RAPGEF1: variants seen among roughly 807,000 people sequenced by gnomAD.
The protein encoded by RAPGEF1 is CRK SH3-binding GNRP.
RAPGEF1 carries 33 observed loss-of-function variants against 143.3 expected under a neutral mutation model. The ratio of observed to expected loss-of-function variants is 0.23; its 90% CI spans 0.17 to 0.31. RAPGEF1 has a LOEUF of 0.31. RAPGEF1 is among the 10% of genes least tolerant of loss of function. The pLI is 1.00. For missense variants in RAPGEF1, 1,199 were observed against 1,645.4 expected (o/e 0.73, Z 4.69); for synonymous variants, 629 against 676.5 (o/e 0.93, Z 1.09).
chr9:131,714,129 G>A (rs775119442), intron 1 of RAPGEF1, among the ~76,000 whole-genome samples: 29 of 151,936 alleles, frequency 1.9e-4, no homozygotes, highest in Non-Finnish European at 3.2e-4. Context: ...TGATCCTCCT[G>A]CCTCAGCCTC....
chr9:131,705,198 A>G (rs1242723015), intron 1 of RAPGEF1, among the ~76,000 whole-genome samples: 1 of 152,184 alleles, frequency 6.6e-6, no homozygotes, highest in Non-Finnish European at 1.5e-5. Context: ...AGGAACCACC[A>G]TGCCCTGCAT....
At chr9:131,707,565 C>T (rs531853730) in intron 1 of RAPGEF1, among the ~76,000 whole-genome samples, 20 of 152,252 alleles carry the variant, frequency 1.3e-4, no homozygotes, top group African/African-American at 4.3e-4. Context: ...CTCAGCCTCC[C>T]GAGTAGCTGG....
intron 1 of RAPGEF1, among the ~76,000 whole-genome samples, chr9:131,722,481 G>C (rs929125717): frequency 6.6e-6 from 1 of 152,244 alleles, no homozygotes; most frequent in Non-Finnish European, 1.5e-5. Flanking sequence ...TGCAGAGCTT[G>C]AGAGTCTTTA....
At chr9:131,723,250 AAT>A (rs1275716796) in intron 1 of RAPGEF1, among the ~76,000 whole-genome samples, 1 of 152,212 alleles carries the variant, frequency 6.6e-6, no homozygotes, top group East Asian at 1.9e-4. Context: ...TAAATTATGT[AAT>A]TATATAAACA....
chr9:131,638,771 T>C lies in RAPGEF1; in HGVS notation c.515A>G (p.Tyr172Cys), dbSNP rs1416030588. 6.2e-7 allele frequency: 1 copy of C among 1,613,766 alleles called. No homozygotes were observed. Among genetic ancestry groups the C allele is most frequent in the Non-Finnish European group, 8.5e-7 (1 of 1,179,846 alleles). The change falls in exon 5 of 27, where the codon TAT (tyrosine) becomes TGT (cysteine). Residue 172 changes from tyrosine to cysteine, a missense_variant. Physicochemically the swap from Tyr to Cys is radical, Grantham distance 194. Coordinates refer to ENST00000683357, the MANE Select transcript of RAPGEF1 (RefSeq NM_001377935.1). ...GGCGAGGCTTTGGTACACTCGGCTA[T>C]AGCAGGAAGAGAGGGCTGAGCTACA... is the stretch of plus-strand genomic sequence containing the variant. ...IQHSSALSSC[Y>C]SRVYQSLANL...
At chr9:131,634,084 A>C (rs949224898) in intron 5 of RAPGEF1, among the ~76,000 whole-genome samples, 3 of 152,266 alleles carry the variant, frequency 2.0e-5, no homozygotes, top group South Asian at 2.1e-4. Flanking sequence ...CAACATGGTA[A>C]AAATCTGCCT....
chr9:131,618,048 G>A (rs1000945752), intron 12 of RAPGEF1, among the ~76,000 whole-genome samples: 28 of 152,172 alleles, frequency 1.8e-4, no homozygotes, highest in African/African-American at 5.8e-4. Context: ...CCCATGCCCC[G>A]TGCAACATGA....
chr9:131,735,514 C>T (rs1837356735), intron 1 of RAPGEF1, among the ~76,000 whole-genome samples: 1 of 152,204 alleles, frequency 6.6e-6, no homozygotes, highest in Non-Finnish European at 1.5e-5. Flanking sequence ...CTGAGTTCAC[C>T]ACTGAGTCCC....
chr9:131,729,674 C>T (rs551315674), intron 1 of RAPGEF1, among the ~76,000 whole-genome samples: 2 of 152,338 alleles, frequency 1.3e-5, no homozygotes, highest in South Asian at 4.1e-4. Flanking sequence ...CAATACACAA[C>T]CCACCCCTGG....
chr9:131,600,630 G>A (rs1044061348), intron 15 of RAPGEF1, among the ~76,000 whole-genome samples: 2 of 152,152 alleles, frequency 1.3e-5, no homozygotes, highest in Admixed American at 1.3e-4. Flanking sequence ...ATAATGACAA[G>A]TGGGCACTCC....
At chr9:131,630,154 C>G (rs1050614633) in intron 6 of RAPGEF1, 82 bp downstream of exon 6, 5 of 1,255,546 alleles carry the variant, frequency 4.0e-6, no homozygotes, top group African/African-American at 1.5e-5. Flanking sequence ...ATGCTGCCCA[C>G]CCCACCGGGC....
At chr9:131,729,404 C>G (rs1836878072) in intron 1 of RAPGEF1, among the ~76,000 whole-genome samples, 2 of 152,216 alleles carry the variant, frequency 1.3e-5, no homozygotes, top group African/African-American at 4.8e-5. Flanking sequence ...ACCGTTGTGC[C>G]ATCTGTGAAA....
intron 16 of RAPGEF1, 57 bp downstream of exon 16, chr9:131,598,142 C>G: frequency 6.9e-7 from 1 of 1,446,100 alleles, no homozygotes; most frequent in Non-Finnish European, 9.7e-7. Flanking sequence ...CTTCTCTGCC[C>G]CACCTGCTCT....
Position 131,625,985 on chromosome 9 carries a change from C to G in RAPGEF1, c.1639G>C (p.Ala547Pro). 1 of 1,607,704 alleles carries G rather than the reference C, an allele frequency of 6.2e-7. No homozygotes were observed. Among genetic ancestry groups the G allele is most frequent in the Non-Finnish European group, 8.5e-7 (1 of 1,174,588 alleles). Reference protein sequence around the residue: ...APVEFVGDFTAPESTGDPEKP... With the variant: ...APVEFVGDFTPPESTGDPEKP... The stretch of plus-strand genomic sequence containing the variant: ...TCTGGGTCACCGGTTGACTCAGGAG[C>G]AGTAAAATCACCCACAAATTCGACA... The change falls in exon 10 of 27, where the codon GCT becomes CCT. Residue 547 changes from alanine to proline, a missense_variant. This residue lies in a region of RAPGEF1 where 613 missense variants were observed against 710.9 expected (regional missense o/e 0.86). Coordinates refer to ENST00000683357, the MANE Select transcript of RAPGEF1 (RefSeq NM_001377935.1).
intron 12 of RAPGEF1, among the ~76,000 whole-genome samples, chr9:131,606,637 A>T (rs2132547928): frequency 6.6e-6 from 1 of 152,276 alleles, no homozygotes; most frequent in South Asian, 2.1e-4. Flanking sequence ...AAAGCCACTC[A>T]TCCTTAAGTA....
At chr9:131,712,833 A>C (rs564829771) in intron 1 of RAPGEF1, among the ~76,000 whole-genome samples, 1 of 152,298 alleles carries the variant, frequency 6.6e-6, no homozygotes, top group East Asian at 1.9e-4. Flanking sequence ...GGCTCCCCCA[A>C]AATAACTCCA....
intron 1 of RAPGEF1, among the ~76,000 whole-genome samples, chr9:131,699,504 A>G (rs1295764998): frequency 6.6e-6 from 1 of 152,100 alleles, no homozygotes; most frequent in Non-Finnish European, 1.5e-5. Flanking sequence ...TCGGCCTCCC[A>G]AAGTGCTGGG....
chr9:131,695,340 C>T (rs191713600), intron 1 of RAPGEF1, among the ~76,000 whole-genome samples: 13 of 152,272 alleles, frequency 8.5e-5, no homozygotes, highest in Admixed American at 7.8e-4. Context: ...CCAATTGACC[C>T]GGCTTGTCTT....
intron 1 of RAPGEF1, among the ~76,000 whole-genome samples, chr9:131,710,513 G>T (rs1254118316): frequency 6.6e-6 from 1 of 152,206 alleles, no homozygotes; most frequent in Non-Finnish European, 1.5e-5. Flanking sequence ...CGAGGTGGAT[G>T]AAAAGATTTC....
Sources: gnomAD v4.1 joint callset for allele counts (sites outside exome capture counted in the v4.1 genomes callset) on GRCh38, gnomAD v4.1.1 for gene constraint, gnomAD v4.1.1 regional missense constraint, MANE v1.5 for transcripts, NCBI Gene and HGNC (gene_info 2026-07-23, HGNC 2026-07-21) for gene names.